EPM2A: variants seen among roughly 807,000 people sequenced by gnomAD.
The protein encoded by EPM2A is EPM2A glucan phosphatase, laforin, also known as laforin.
In EPM2A, 21 loss-of-function variants were observed where a neutral mutation model predicts 26.5. The ratio of observed to expected loss-of-function variants is 0.79; its 90% CI spans 0.56 to 1.14. EPM2A has a LOEUF of 1.14. EPM2A is among the 50% of genes most tolerant of loss of function. The probability of loss-of-function intolerance (pLI) is 0.00; values close to 1 mark genes in which losing one functional copy is unlikely to be tolerated. For synonymous variants in EPM2A, 217 were observed against 177.6 expected (o/e 1.22, Z -1.76); for missense variants, 458 against 440.8 (o/e 1.04, Z -0.35).
intron 2 of EPM2A, among the ~76,000 whole-genome samples, chr6:145,565,563 G>A (rs1252967731): frequency 6.6e-6 from 1 of 152,204 alleles, no homozygotes; most frequent in African/African-American, 2.4e-5. Flanking sequence ...CCTGAGCAGA[G>A]CAGTTGCCAG....
intron 2 of EPM2A, among the ~76,000 whole-genome samples, chr6:145,506,242 T>C (rs1484835776): frequency 6.6e-6 from 1 of 152,244 alleles, no homozygotes; most frequent in African/African-American, 2.4e-5. Context: ...CCACGTAGTA[T>C]GAAGAAGGAA....
chr6:145,460,242 T>C (rs1291616320), intron 4 of EPM2A, among the ~76,000 whole-genome samples: 1 of 152,152 alleles, frequency 6.6e-6, no homozygotes, highest in Non-Finnish European at 1.5e-5. Flanking sequence ...GAATATGTTA[T>C]TTACCAAGAG....
intron 4 of EPM2A, among the ~76,000 whole-genome samples, chr6:145,472,369 T>C (rs1382114105): frequency 6.6e-6 from 1 of 151,670 alleles, no homozygotes; most frequent in Admixed American, 6.6e-5. Context: ...ACTCCTTCTC[T>C]CTGAGACAAG....
intron 2 of EPM2A, among the ~76,000 whole-genome samples, chr6:145,576,838 A>C (rs1247543104): frequency 6.6e-6 from 1 of 152,090 alleles, no homozygotes; most frequent in African/African-American, 2.4e-5. Context: ...GATAGACAAT[A>C]TAAAAAGGTA....
downstream of EPM2A, among the ~76,000 whole-genome samples, chr6:145,623,279 T>C (rs1261680345): frequency 1.3e-5 from 2 of 152,136 alleles, no homozygotes; most frequent in Admixed American, 6.5e-5. Context: ...CATTAATAAG[T>C]TCTATGAAGA....
intron 4 of EPM2A, among the ~76,000 whole-genome samples, chr6:145,469,651 C>G (rs1194513626): frequency 6.6e-6 from 1 of 151,972 alleles, no homozygotes; most frequent in African/African-American, 2.4e-5. Context: ...TCGTACAATC[C>G]AGGAATCCCA....
intron 4 of EPM2A, among the ~76,000 whole-genome samples, chr6:145,471,539 A>C (rs1779473145): frequency 6.6e-6 from 1 of 152,078 alleles, no homozygotes; most frequent in Non-Finnish European, 1.5e-5. Context: ...GACAGTTCTG[A>C]ATTGCCAACA....
At chr6:145,660,688 G>A (rs1778632381) in intron 2 of EPM2A, among the ~76,000 whole-genome samples, 1 of 152,140 alleles carries the variant, frequency 6.6e-6, no homozygotes, top group African/African-American at 2.4e-5. Context: ...TGTAGTCCCA[G>A]CTACTCGAGA....
chr6:145,712,505 A>T (rs370885935), intron 1 of EPM2A, among the ~76,000 whole-genome samples: 106 of 152,252 alleles, frequency 7.0e-4, no homozygotes, highest in African/African-American at 2.4e-3. Context: ...CCTGAAGACA[A>T]AGCACAAGCA....
intron 2 of EPM2A, among the ~76,000 whole-genome samples, chr6:145,542,970 G>A (rs1780534890): frequency 6.6e-6 from 1 of 152,082 alleles, no homozygotes; most frequent in Non-Finnish European, 1.5e-5. Context: ...TGTTGGTCAG[G>A]TGGGTCTCGA....
At chr6:145,569,298 A>G (rs1447220210) in intron 2 of EPM2A, among the ~76,000 whole-genome samples, 1 of 152,202 alleles carries the variant, frequency 6.6e-6, no homozygotes, top group Non-Finnish European at 1.5e-5. Context: ...TGGGCAGTCC[A>G]TTATGTTGTG....
At chr6:145,395,316 T>G (rs1459900250) in intron 4 of EPM2A, among the ~76,000 whole-genome samples, 1 of 152,136 alleles carries the variant, frequency 6.6e-6, no homozygotes, top group Non-Finnish European at 1.5e-5. Flanking sequence ...CACCCCCTAC[T>G]CTGGGACACC....
At chr6:145,676,152 T>A (rs1780023092) in intron 2 of EPM2A, among the ~76,000 whole-genome samples, 1 of 152,170 alleles carries the variant, frequency 6.6e-6, no homozygotes, top group Non-Finnish European at 1.5e-5. Flanking sequence ...ACATGGAAAC[T>A]GAACAACCTG....
rs1428759203 is a variant in EPM2A, at chr6:145,625,491, A to G, written c.*1925T>C. 3.6e-6 allele frequency: 2 copies of G among 556,202 alleles called. No homozygotes were observed. The highest frequency in any genetic ancestry group is 6.4e-6 in the Non-Finnish European group (2 of 313,350). The allele number at this position is 556,202 out of a possible 1,614,324, so 34.5% of individuals were successfully genotyped here. A position where few individuals can be genotyped will look rare whatever the true frequency, so the allele number is the denominator to read the frequency against. On this transcript the variant is annotated 3_prime_UTR_variant, in exon 4 of 4. Transcript: ENST00000367519. ...TGAAAAAAGATCTTTGTATCATGGA[A>G]ATTATGAAGCTGGATTTCTTAGACA...
chr6:145,448,135 G>C (rs1414627771), intron 4 of EPM2A, among the ~76,000 whole-genome samples: 1 of 152,082 alleles, frequency 6.6e-6, no homozygotes, highest in Non-Finnish European at 1.5e-5. Flanking sequence ...TTTCACATAA[G>C]TGATTAATTG....
At chr6:145,630,655 C>T (rs1282598442) in intron 3 of EPM2A, 1 of 152,096 alleles carries the variant, frequency 6.6e-6, no homozygotes, top group Non-Finnish European at 1.5e-5. Context: ...CCAGGGTGCC[C>T]ACTCATCTCA....
chr6:145,466,548 C>G (rs1262103897), intron 4 of EPM2A, among the ~76,000 whole-genome samples: 1 of 152,014 alleles, frequency 6.6e-6, no homozygotes, highest in East Asian at 1.9e-4. Flanking sequence ...GTTGGTGGGA[C>G]TGTAAACTAG....
chr6:145,691,260 GA>G (rs1420880849), intron 1 of EPM2A, among the ~76,000 whole-genome samples: 5 of 151,912 alleles, frequency 3.3e-5, no homozygotes, highest in African/African-American at 1.2e-4. Context: ...AGTAGCCAGA[GA>G]AAAACAGCAA....
At chr6:145,483,849 C>A (rs1395871751) in intron 4 of EPM2A, among the ~76,000 whole-genome samples, 1 of 152,186 alleles carries the variant, frequency 6.6e-6, no homozygotes, top group African/African-American at 2.4e-5. Context: ...GTATCTCACA[C>A]ATTCAGTAAT....
Sources: allele counts gnomAD v4.1 joint callset (sites outside exome capture counted in the v4.1 genomes callset), GRCh38; gene constraint gnomAD v4.1.1; transcripts MANE v1.5; gene names NCBI Gene and HGNC (gene_info 2026-07-23, HGNC 2026-07-21).